Variants in GALNT9 observed in about 807,000 individuals in gnomAD.
The protein encoded by GALNT9 is GalNAc transferase 9.
GALNT9 carries 47 observed loss-of-function variants against 63.1 expected under a neutral mutation model. The observed-to-expected ratio is 0.75, with a 90% CI of 0.59 to 0.95. The LOEUF (loss-of-function observed/expected upper bound fraction) is 0.95. Ranked by LOEUF, GALNT9 falls within the 40% of genes least tolerant of loss-of-function variation. GALNT9 has a pLI of 0.00. For missense variants in GALNT9, 829 were observed against 874.8 expected, an observed-to-expected ratio of 0.95 and a Z score of 0.66; for synonymous variants, 396 against 365.7, an observed-to-expected ratio of 1.08 and a Z score of -0.94.
intron 1 of GALNT9, among the ~76,000 whole-genome samples, chr12:132,289,087 G>T (rs1267032802): frequency 1.3e-5 from 2 of 152,140 alleles, no homozygotes; most frequent in Non-Finnish European, 2.9e-5. Flanking sequence ...ATATCTTGCC[G>T]TGAATCACAG....
At chr12:132,235,288 G>A (rs1185309824) in intron 6 of GALNT9, among the ~76,000 whole-genome samples, 1 of 151,988 alleles carries the variant, frequency 6.6e-6, no homozygotes, top group Non-Finnish European at 1.5e-5. Context: ...GGAGCCGGGT[G>A]CGGTGGGCGC....
intron 1 of GALNT9, among the ~76,000 whole-genome samples, chr12:132,318,436 G>C (rs1868619790): frequency 6.6e-6 from 1 of 151,696 alleles, no homozygotes; most frequent in Non-Finnish European, 1.5e-5. Context: ...TCGTGACCCA[G>C]CTTTCAGTCC....
intron 6 of GALNT9, among the ~76,000 whole-genome samples, chr12:132,210,397 A>T (rs1484338255): frequency 1.3e-5 from 2 of 152,206 alleles, no homozygotes; most frequent in African/African-American, 4.8e-5. Context: ...TTCTCCTGGA[A>T]GCGCTGGGGA....
intron 6 of GALNT9, among the ~76,000 whole-genome samples, chr12:132,204,787 C>T (rs1044331516): frequency 1.3e-5 from 2 of 152,112 alleles, no homozygotes; most frequent in Non-Finnish European, 1.5e-5. Flanking sequence ...AAAAAAAGGC[C>T]GATGCCACCC....
At chr12:132,281,750 A>G (rs1880352225) in intron 2 of GALNT9, among the ~76,000 whole-genome samples, 1 of 152,120 alleles carries the variant, frequency 6.6e-6, no homozygotes, top group African/African-American at 2.4e-5. Flanking sequence ...CTGAACCCTC[A>G]AAAGGAGAGC....
intron 6 of GALNT9, among the ~76,000 whole-genome samples, chr12:132,226,425 CCA>C (rs1318160047): frequency 6.7e-6 from 1 of 149,962 alleles, no homozygotes. Flanking sequence ...TGTACACACC[CCA>C]CACTGTACAG....
chr12:132,262,426 GGCGAGCACCGT>G, intron 3 of GALNT9, 22 bp downstream of exon 3: 1 of 1,533,886 alleles, frequency 6.5e-7, no homozygotes, highest in Non-Finnish European at 8.8e-7. Flanking sequence ...GCAGCCGCCC[GGCGAGCACCGT>G]GCCGAGGCCC....
intron 2 of GALNT9, among the ~76,000 whole-genome samples, chr12:132,281,733 C>G (rs1189757741): frequency 1.3e-5 from 2 of 152,212 alleles, no homozygotes; most frequent in African/African-American, 2.4e-5. Context: ...GGGGAGGCAG[C>G]AGGATGCTGA....
chr12:132,258,394 G>A (rs111470359), intron 4 of GALNT9, among the ~76,000 whole-genome samples: 4 of 152,374 alleles, frequency 2.6e-5, no homozygotes, highest in East Asian at 1.9e-4. Context: ...TCCGTGCCAC[G>A]GGGAGCTCGC....
At chr12:132,216,024 ACAGGGGCTTGTCCATGCC>A (rs1438399446) in intron 6 of GALNT9, among the ~76,000 whole-genome samples, 1 of 152,140 alleles carries the variant, frequency 6.6e-6, no homozygotes, top group Non-Finnish European at 1.5e-5. Context: ...CGGGGCACAC[ACAGGGGCTTGTCCATGCC>A]CATCTAATGA....
At chr12:132,287,636 G>A (rs1006236790) in intron 1 of GALNT9, among the ~76,000 whole-genome samples, 2 of 152,296 alleles carry the variant, frequency 1.3e-5, no homozygotes, top group Non-Finnish European at 2.9e-5. Flanking sequence ...CATGGCCATC[G>A]GGGCAGGACG....
At position 132,265,176 on chromosome 12, in the gene GALNT9, A is replaced by T. The variant is rs1266905004; in HGVS notation, c.420-2551T>A. On this transcript the variant is annotated intron_variant, in intron 2 of 10. Transcript: ENST00000328957. This position sits in a 1 kb window ranked among gnomAD's most constrained non-coding sequence, Gnocchi z 5.3. ...CGCAAAGATTTTCCAACAAGTCCCA[A>T]ATGCCCATCAATGAGGAAGGCAAGT... Among the ~76,000 whole-genome samples the T allele has an allele frequency of 6.6e-6, 1 of 152,182 alleles. No homozygotes were observed.
intron 4 of GALNT9, among the ~76,000 whole-genome samples, chr12:132,258,700 G>C (rs1336967248): frequency 1.3e-5 from 2 of 152,244 alleles, no homozygotes; most frequent in Non-Finnish European, 2.9e-5. Context: ...GGAGGGCAGA[G>C]AGGAAGGTGA....
intron 6 of GALNT9, chr12:132,247,643 CATGG>C: frequency 1.8e-6 from 1 of 560,884 alleles, no homozygotes; most frequent in East Asian, 3.9e-5. Flanking sequence ...CCCCAGACGC[CATGG>C]CCGCACTCGC....
rs147702033 is a variant in GALNT9 at position 132,292,197 on chromosome 12, C to A, written c.239-5767G>T. Among the ~76,000 whole-genome samples, 6 of 152,250 alleles carry A rather than the reference C, an allele frequency of 3.9e-5. No individual in the cohort carries two copies. In the South Asian group the frequency reaches 8.3e-4, roughly 21 times the overall value. ...CCATCTAAAATCATCCCCTCCGCTA[C>A]GCTCTCTGCTTCCCCTCAACGTGCA... is the stretch of plus-strand genomic sequence containing the variant. On this transcript the variant is annotated intron_variant, in intron 1 of 10. Transcript: ENST00000328957.
intron 9 of GALNT9, 136 bp from the exon 10 acceptor site, chr12:132,198,095 C>T (rs189904239): frequency 1.8e-4 from 128 of 719,328 alleles, no homozygotes; most frequent in African/African-American, 1.5e-3. Context: ...ACCCCGGGGA[C>T]GCTGTTGCGG....
At position 132,287,730 on chromosome 12, in the gene GALNT9, GGT is replaced by G. The variant is rs376326647; in HGVS notation, c.239-1302_239-1301del. On this transcript the variant is annotated intron_variant, in intron 1 of 10. Transcript: ENST00000328957. ...CAGGGAGGCTCCGCAGCTTGGTCAG[GGT>G]GTGTGGAATGGGTGCCCAAGGGGGC... is the stretch of plus-strand genomic sequence containing the variant. Among the ~76,000 whole-genome samples, 15 of 152,294 alleles carry G rather than the reference GGT, an allele frequency of 9.8e-5. No homozygotes were observed. The East Asian group carries it at 2.9e-3, about 29-fold the overall frequency.
At chr12:132,221,219 G>C (rs1198811307) in intron 6 of GALNT9, among the ~76,000 whole-genome samples, 1 of 144,344 alleles carries the variant, frequency 6.9e-6, no homozygotes, top group East Asian at 2.0e-4. Flanking sequence ...TGGGTGTGGT[G>C]GTGGGCACCT....
At chr12:132,204,954 G>A (rs900650747) in intron 6 of GALNT9, among the ~76,000 whole-genome samples, 5 of 152,024 alleles carry the variant, frequency 3.3e-5, no homozygotes, top group African/African-American at 4.8e-5. Flanking sequence ...CCCACCACCC[G>A]AGAAAGGGTG....
Sources: allele counts gnomAD v4.1 joint callset (sites outside exome capture counted in the v4.1 genomes callset), GRCh38; gene constraint gnomAD v4.1.1; non-coding constraint Gnocchi (gnomAD v3.1); transcripts MANE v1.5; gene names NCBI Gene and HGNC (gene_info 2026-07-23, HGNC 2026-07-21).